The following TTC13 variants were observed in gnomAD, a reference collection of about 807,000 sequenced individuals.
The protein encoded by TTC13 is tetratricopeptide repeat protein 13.
In TTC13, 62 loss-of-function variants were observed where a neutral mutation model predicts 120.0. The observed-to-expected ratio is 0.52, with a 90% CI of 0.42 to 0.64. The LOEUF is 0.64. Ranked by LOEUF, TTC13 falls within the 30% of genes least tolerant of loss-of-function variation. The probability of loss-of-function intolerance (pLI) is 0.00; values close to 1 mark genes in which losing one functional copy is unlikely to be tolerated. For missense variants in TTC13, 824 were observed against 1,050.2 expected (o/e 0.78, Z 2.98); for synonymous variants, 384 against 393.5 (o/e 0.98, Z 0.28).
chr1:230,918,064 T>C (rs533363647), intron 17 of TTC13, among the ~76,000 whole-genome samples: 1 of 152,330 alleles, frequency 6.6e-6, no homozygotes, highest in Non-Finnish European at 1.5e-5. Flanking sequence ...TAATGTATGA[T>C]TTTCTAATGT....
In TTC13 at chr1:230,929,083, T is replaced by C; in HGVS notation, c.1311A>G (p.Arg437=). The C allele has an allele frequency of 6.2e-7, 1 of 1,613,762 alleles. No individual in the cohort carries two copies. Among genetic ancestry groups the C allele is most frequent in the Non-Finnish European group, 8.5e-7 (1 of 1,179,846 alleles). The part of the protein sequence containing the change: ...LKVKYLREYS[R]YLHAHLDTPL... ...GGGTATCAAGGTGTGCATGAAGATA[T>C]CGAGAATACTCTGCAGAAAGGAAAT... Residue 437 remains arginine, a synonymous_variant, in exon 12 of 23, where the codon CGA becomes CGG. Coordinates refer to ENST00000366661, the MANE Select transcript of TTC13 (RefSeq NM_024525.5).
chr1:230,963,010 C>T (rs1417677971), intron 1 of TTC13, among the ~76,000 whole-genome samples: 1 of 152,058 alleles, frequency 6.6e-6, no homozygotes, highest in Non-Finnish European at 1.5e-5. Context: ...GGGGTGGTTG[C>T]ACATGGTGAA....
Position 230,916,163 on chromosome 1 carries a change from G to A in TTC13, c.2093+30C>T, listed in dbSNP as rs187854710. ...AGGCACCCTTCCTGCCTCGTCTCTA[G>A]TTTACACCCACATTAAGAAGCGCAC... On this transcript the variant is annotated intron_variant, in intron 18 of 22. Transcript: ENST00000366661. 2.3e-5 allele frequency: 35 copies of A among 1,528,964 alleles called. No homozygotes were observed. In the African/African-American group the frequency reaches 4.8e-4, roughly 21 times the overall value. The allele number at this position is 1,528,964 out of a possible 1,614,324, so 94.7% of individuals were successfully genotyped here. A position where few individuals can be genotyped will look rare whatever the true frequency, so the allele number is the denominator to read the frequency against.
intron 15 of TTC13, among the ~76,000 whole-genome samples, chr1:230,922,712 C>A (rs1482282685): frequency 6.6e-6 from 1 of 152,144 alleles, no homozygotes; most frequent in African/African-American, 2.4e-5. Flanking sequence ...CCTGTAGCAC[C>A]AGAAGGCTTT....
chr1:230,965,563 G>A (rs766404075), intron 1 of TTC13, among the ~76,000 whole-genome samples: 9 of 152,194 alleles, frequency 5.9e-5, no homozygotes, highest in Non-Finnish European at 8.8e-5. Context: ...CAGTTTGGAG[G>A]TTCCTCAAAA....
At chr1:230,917,169 G>A (rs1053429094) in intron 17 of TTC13, among the ~76,000 whole-genome samples, 1 of 152,100 alleles carries the variant, frequency 6.6e-6, no homozygotes, top group African/African-American at 2.4e-5. Flanking sequence ...CACTGAGCAG[G>A]CAAGCATCTT....
At chr1:230,912,860 T>C (rs1558163820) in intron 18 of TTC13, 102 bp from the exon 19 acceptor site, 5 of 1,025,646 alleles carry the variant, frequency 4.9e-6, no homozygotes, top group Non-Finnish European at 4.3e-6. Context: ...GACGTAGCAC[T>C]AAACATATAC....
At chr1:230,933,950 C>CTTT in intron 8 of TTC13, 89 bp from the exon 9 acceptor site, 1 of 735,118 alleles carries the variant, frequency 1.4e-6, no homozygotes, top group Non-Finnish European at 2.1e-6. Context: ...AATATATATC[C>CTTT]TAGTCTCTGA....
At chr1:230,913,594 T>C (rs898287706) in intron 18 of TTC13, among the ~76,000 whole-genome samples, 28 of 152,174 alleles carry the variant, frequency 1.8e-4, no homozygotes, top group African/African-American at 6.0e-4. Context: ...GCCTCAATCT[T>C]CCCATCTTGG....
At chr1:230,936,235 T>C in intron 8 of TTC13, 1 of 456,316 alleles carries the variant, frequency 2.2e-6, no homozygotes, top group Non-Finnish European at 4.4e-6. Flanking sequence ...GGGGTTCCTG[T>C]CTAATCACTG....
At chr1:230,958,129 G>T in intron 3 of TTC13, 95 bp downstream of exon 3, 2 of 1,267,812 alleles carry the variant, frequency 1.6e-6, no homozygotes, top group Non-Finnish European at 2.2e-6. Context: ...GGCAAAGCCA[G>T]TCTCTCTACT....
At chr1:230,921,118 G>A (rs10864791) in intron 16 of TTC13, among the ~76,000 whole-genome samples, 103,763 of 152,030 alleles carry the variant, frequency 0.68, 35,500 homozygotes, top group Admixed American at 0.72. Context: ...GTGAAGGAGA[G>A]TAAGTATTAA....
intron 4 of TTC13, among the ~76,000 whole-genome samples, chr1:230,949,586 G>A (rs1222290400): frequency 6.6e-6 from 1 of 150,842 alleles, no homozygotes; most frequent in Non-Finnish European, 1.5e-5. Flanking sequence ...GCACTGAATT[G>A]ATTACTGTGC....
intron 11 of TTC13, among the ~76,000 whole-genome samples, chr1:230,930,415 C>T (rs1310512712): frequency 6.6e-6 from 1 of 151,836 alleles, no homozygotes; most frequent in Non-Finnish European, 1.5e-5. Context: ...TTTGGACAGT[C>T]ATGGTATAAA....
intron 8 of TTC13, chr1:230,936,518 T>C (rs371582324): frequency 7.0e-5 from 18 of 256,586 alleles, no homozygotes; most frequent in Admixed American, 1.5e-4. Context: ...TTGGGACGCA[T>C]GGTTTGTGAA....
At chr1:230,908,870 C>T (rs1164882405) in intron 21 of TTC13, 72 bp downstream of exon 21, 6 of 1,606,666 alleles carry the variant, frequency 3.7e-6, no homozygotes, top group Non-Finnish European at 5.1e-6. Context: ...AACTCGTGTA[C>T]CTTAAAATAA....
intron 17 of TTC13, among the ~76,000 whole-genome samples, chr1:230,919,214 G>A (rs866954831): frequency 3.9e-5 from 6 of 151,958 alleles, no homozygotes; most frequent in Middle Eastern, 3.4e-3. Context: ...TTTAGGAGAT[G>A]GGGTCTCACT....
intron 15 of TTC13, among the ~76,000 whole-genome samples, chr1:230,922,302 C>A (rs1672653209): frequency 6.6e-6 from 1 of 152,204 alleles, no homozygotes; most frequent in Non-Finnish European, 1.5e-5. Context: ...TCTTCCTCTC[C>A]AACTCACTAC....
chr1:230,940,509 A>C lies in TTC13; in HGVS notation c.720T>G (p.Thr240=). ...CTGAGGGCTGCAGTTGGATAGCTTT[A>C]GTGAGGTCATTCACTGCTTCATTAA... ...GRINEAVNDL[T]KAIQLQPSAR... The change falls in exon 7 of 23, where the codon ACT becomes ACG. Residue 240 remains threonine, a synonymous_variant. Coordinates refer to ENST00000366661, the MANE Select transcript of TTC13 (RefSeq NM_024525.5). The surrounding 1 kb of genome is among the most constrained non-coding windows in gnomAD (Gnocchi z 4.1). 6.2e-7 allele frequency: 1 copy of C among 1,613,874 alleles called. No individual in the cohort carries two copies.
Sources: allele counts gnomAD v4.1 joint callset (sites outside exome capture counted in the v4.1 genomes callset), GRCh38; gene constraint gnomAD v4.1.1; non-coding constraint Gnocchi (gnomAD v3.1); transcripts MANE v1.5; gene names NCBI Gene and HGNC (gene_info 2026-07-23, HGNC 2026-07-21).